Variants in NEDD4L observed in about 807,000 individuals in gnomAD.
The protein encoded by NEDD4L is NEDD4 like E3 ubiquitin protein ligase.
Under a neutral mutation model 148.9 loss-of-function variants are expected in NEDD4L, and 54 were observed. The observed-to-expected ratio is 0.36, with a 90% confidence interval of 0.29 to 0.45. The LOEUF is 0.45. Among genes scored for constraint, NEDD4L ranks in the 20% least tolerant of loss-of-function variants. NEDD4L has a pLI of 1.00. For synonymous variants in NEDD4L, 433 were observed against 440.7 expected, an observed-to-expected ratio of 0.98 and a Z score of 0.22; for missense variants, 856 against 1,233.8, an observed-to-expected ratio of 0.69 and a Z score of 4.59.
chr18:58,368,072 A>G (rs1413228491), intron 22 of NEDD4L, among the ~76,000 whole-genome samples: 1 of 152,244 alleles, frequency 6.6e-6, no homozygotes, highest in Non-Finnish European at 1.5e-5. Context: ...GTTAAAAACA[A>G]AAGTTTTTTT....
chr18:58,275,187 ATAAT>A (rs574018323), intron 5 of NEDD4L, among the ~76,000 whole-genome samples: 2 of 150,352 alleles, frequency 1.3e-5, no homozygotes, highest in Admixed American at 6.6e-5. Flanking sequence ...CTGTGTTCTC[ATAAT>A]TAAACTAGAG....
intron 1 of NEDD4L, among the ~76,000 whole-genome samples, chr18:58,107,769 A>C (rs544599476): frequency 1.1e-3 from 165 of 151,896 alleles, no homozygotes; most frequent in African/African-American, 3.8e-3. Context: ...GACAAAGAGG[A>C]AAGGACTTTT....
At chr18:58,305,657 A>G (rs2056974141) in intron 5 of NEDD4L, among the ~76,000 whole-genome samples, 1 of 152,240 alleles carries the variant, frequency 6.6e-6, no homozygotes, top group Non-Finnish European at 1.5e-5. Flanking sequence ...TCCGAAATCT[A>G]GTTAATGGAA....
At chr18:58,090,275 A>T (rs761734802) in intron 1 of NEDD4L, among the ~76,000 whole-genome samples, 5 of 152,060 alleles carry the variant, frequency 3.3e-5, no homozygotes, top group African/African-American at 4.8e-5. Flanking sequence ...TAGTTTAGGG[A>T]CCCAGTAGGA....
intron 1 of NEDD4L, among the ~76,000 whole-genome samples, chr18:58,081,261 G>C (rs950427256): frequency 6.9e-6 from 1 of 144,920 alleles, no homozygotes; most frequent in African/African-American, 2.7e-5. Context: ...TGTCGTCTGG[G>C]CTGGAGTGCA....
intron 5 of NEDD4L, among the ~76,000 whole-genome samples, chr18:58,268,872 G>T (rs1453082): frequency 0.84 from 127,507 of 151,604 alleles, 54,117 homozygotes; most frequent in East Asian, 1. Context: ...GGGAGGAGGG[G>T]AGCGTTCTAT....
chr18:58,316,408 G>A (rs1281303113), intron 6 of NEDD4L, among the ~76,000 whole-genome samples: 2 of 152,160 alleles, frequency 1.3e-5, no homozygotes, highest in Non-Finnish European at 2.9e-5. Flanking sequence ...CCCATCAGAT[G>A]TTTGCACTCT....
intron 5 of NEDD4L, among the ~76,000 whole-genome samples, chr18:58,260,009 A>G (rs1600364793): frequency 1.3e-5 from 2 of 151,950 alleles, no homozygotes; most frequent in African/African-American, 4.8e-5. Flanking sequence ...TCTGTTTTTT[A>G]CCCTAAAAAT....
At chr18:58,100,703 T>A (rs2084695938) in intron 1 of NEDD4L, among the ~76,000 whole-genome samples, 1 of 152,210 alleles carries the variant, frequency 6.6e-6, no homozygotes, top group Non-Finnish European at 1.5e-5. Context: ...AGGAAACATC[T>A]TCCTCCTACG....
In NEDD4L at chr18:58,230,921, G is replaced by A. The variant is rs575422555; in HGVS notation, c.123-14506G>A. Among the ~76,000 whole-genome samples the A allele has an allele frequency of 3.9e-5, 6 of 152,182 alleles. 1 individual carries two copies. The South Asian group carries it at 8.3e-4, about 21-fold the overall frequency. On this transcript the variant is annotated intron_variant, in intron 2 of 30. Coordinates refer to ENST00000400345, the MANE Select transcript of NEDD4L (RefSeq NM_001144967.3). Reference sequence around the variant, plus strand: ...CAGTGGCCCTGAGTGACGTGCAGCCGGTTTAGGCGAATTAAGATTTACATA... The same window carrying A: ...CAGTGGCCCTGAGTGACGTGCAGCCAGTTTAGGCGAATTAAGATTTACATA...
intron 6 of NEDD4L, among the ~76,000 whole-genome samples, chr18:58,321,000 A>G (rs1330568770): frequency 6.6e-6 from 1 of 152,178 alleles, no homozygotes; most frequent in Admixed American, 6.5e-5. Flanking sequence ...TACTTCATTC[A>G]ATGATAGTGA....
chr18:58,189,090 G>A (rs1855666162), intron 2 of NEDD4L, among the ~76,000 whole-genome samples: 2 of 152,134 alleles, frequency 1.3e-5, no homozygotes, highest in African/African-American at 4.8e-5. Flanking sequence ...GTGAACAGCT[G>A]ACACCTCCTG....
rs77669141 is a variant in NEDD4L, at chr18:58,215,361, T to C, written c.123-30066T>C. ...TGGAAGGTAAAAACATCTCATTTTATGTCTTCAGTCAGTGATGCCAAGTAT... is the reference window on the plus strand; with the variant it reads ...TGGAAGGTAAAAACATCTCATTTTACGTCTTCAGTCAGTGATGCCAAGTAT... On this transcript the variant is annotated intron_variant, in intron 2 of 30. Coordinates refer to ENST00000400345, the MANE Select transcript of NEDD4L (RefSeq NM_001144967.3). 6.3e-3 allele frequency among the ~76,000 whole-genome samples: 967 copies of C among 152,332 alleles called. 2 individuals are homozygous for C. Among genetic ancestry groups the C allele is most frequent in the Middle Eastern group, 0.017 (5 of 294 alleles).
intron 24 of NEDD4L, among the ~76,000 whole-genome samples, chr18:58,376,779 T>C (rs1028452187): frequency 4.6e-5 from 7 of 152,244 alleles, no homozygotes. Flanking sequence ...ACCCCAACCT[T>C]ACTTTGTCCC....
chr18:58,299,811 C>A (rs185303285), intron 5 of NEDD4L, among the ~76,000 whole-genome samples: 3 of 152,138 alleles, frequency 2.0e-5, no homozygotes, highest in Admixed American at 2.0e-4. Flanking sequence ...GTCAGCTGTT[C>A]TCAGTTTTTC....
At chr18:58,357,045 T>A in intron 18 of NEDD4L, 149 bp from the exon 19 acceptor site, 1 of 688,796 alleles carries the variant, frequency 1.5e-6, no homozygotes, top group Non-Finnish European at 2.4e-6. Context: ...ACCTGCTAAC[T>A]CTGAAATACT....
rs547074023 is a variant in NEDD4L at position 58,061,513 on chromosome 18, C to G, written c.48+16805C>G. Among the ~76,000 whole-genome samples, 3 of 150,722 alleles carry G rather than the reference C, an allele frequency of 2.0e-5. No individual in the cohort carries two copies. The South Asian group carries it at 6.3e-4, about 32-fold the overall frequency. On this transcript the variant is annotated intron_variant, in intron 1 of 30. Transcript: ENST00000400345. ...TTTTTTTCTTTCTGTCATGGTGGCT[C>G]CAGACTAGAGGAGGCAGGAAGGAAG...
At chr18:58,218,811 C>T (rs2043422207) in intron 2 of NEDD4L, among the ~76,000 whole-genome samples, 1 of 152,200 alleles carries the variant, frequency 6.6e-6, no homozygotes, top group African/African-American at 2.4e-5. Flanking sequence ...ATCCTTGTCT[C>T]TTTTCACTAT....
At chr18:58,347,106 T>C (rs528432723) in intron 16 of NEDD4L, among the ~76,000 whole-genome samples, 55 of 151,986 alleles carry the variant, frequency 3.6e-4, no homozygotes, top group Non-Finnish European at 6.2e-4. Flanking sequence ...AAGGCCACTT[T>C]AGCAGATCTT....
Sources: gnomAD v4.1 joint callset for allele counts (sites outside exome capture counted in the v4.1 genomes callset) on GRCh38, gnomAD v4.1.1 for gene constraint, MANE v1.5 for transcripts, NCBI Gene and HGNC (gene_info 2026-07-23, HGNC 2026-07-21) for gene names.